HEG1: variants seen among roughly 807,000 people sequenced by gnomAD.
HEG1 encodes the protein heart development protein with EGF like domains 1.
A neutral mutation model predicts 125.6 loss-of-function variants in HEG1; 56 were observed. The ratio of observed to expected loss-of-function variants is 0.45; its 90% CI spans 0.36 to 0.56. The LOEUF is 0.56. Ranked by LOEUF, HEG1 falls within the 20% of genes least tolerant of loss-of-function variation. The pLI, the probability that HEG1 is intolerant of heterozygous loss-of-function variation, is 0.00. For missense variants in HEG1, 1,523 were observed against 1,670.0 expected (o/e 0.91, Z 1.53); for synonymous variants, 644 against 668.5 (o/e 0.96, Z 0.57).
chr3:125,019,790 C>T (rs569957729), intron 4 of HEG1, among the ~76,000 whole-genome samples, 193 bp from the exon 5 acceptor site: 114 of 152,132 alleles, frequency 7.5e-4, no homozygotes, highest in Non-Finnish European at 1.2e-3. Context: ...GAGAGTAATA[C>T]AAAAAAATAT....
At chr3:125,002,478 A>G (rs1937015923) in intron 9 of HEG1, among the ~76,000 whole-genome samples, 163 bp from the exon 10 acceptor site, 1 of 152,158 alleles carries the variant, frequency 6.6e-6, no homozygotes, top group Non-Finnish European at 1.5e-5. Flanking sequence ...CCCCTCTTAA[A>G]TGCCTTTCTG....
intron 14 of HEG1, among the ~76,000 whole-genome samples, chr3:124,989,859 C>T (rs1337727742): frequency 6.6e-6 from 1 of 152,170 alleles, no homozygotes; most frequent in Non-Finnish European, 1.5e-5. Context: ...AGCTGCCTGA[C>T]AGTTATTGAT....
In HEG1 at chr3:125,055,853, A is replaced by G; in HGVS notation, c.38T>C (p.Leu13Pro). The part of the protein sequence containing the change: ...SPRASRWPPP[L>P]LLLLLPLLLL... ...CAGCAGCGGCAGCAACAGCAGCAGG[A>G]GCGGCGGCGGCCACCGCGAGGCGCG... is the stretch of plus-strand genomic sequence containing the variant. Residue 13 changes from leucine to proline, a missense_variant, in exon 1 of 17, where the codon CTC becomes CCC. By Grantham distance (98) the Leu-to-Pro change is moderately conservative. Transcript: ENST00000311127. The G allele has an allele frequency of 1.0e-6, 1 of 980,172 alleles. No homozygotes were observed. Among genetic ancestry groups the G allele is most frequent in the Non-Finnish European group, 1.2e-6 (1 of 827,142 alleles). The allele number at this position is 980,172 out of a possible 1,614,324, so 60.7% of individuals were successfully genotyped here.
Position 125,013,005 on chromosome 3 carries a change from G to A in HEG1, c.2574C>T (p.Gly858=). The change falls in exon 6 of 17, where the codon GGC becomes GGT. Residue 858 remains glycine, a synonymous_variant. Transcript: ENST00000311127. The part of the protein sequence containing the change: ...KTSQPLMTTP[G]TLSSTASLVT... Reference sequence around the variant, plus strand: ...CCAGAGATGCTGTGCTTGACAGGGTGCCAGGAGTGGTCATAAGAGGCTGAG... The same window carrying A: ...CCAGAGATGCTGTGCTTGACAGGGTACCAGGAGTGGTCATAAGAGGCTGAG... 3 of 1,614,076 alleles carry A rather than the reference G, an allele frequency of 1.9e-6. No homozygotes were observed. The highest frequency in any genetic ancestry group is 1.1e-5 in the South Asian group (1 of 91,090).
At chr3:125,049,887 T>G (rs1937763752) in intron 1 of HEG1, among the ~76,000 whole-genome samples, 1 of 152,192 alleles carries the variant, frequency 6.6e-6, no homozygotes, top group Admixed American at 6.5e-5. Context: ...ATGCTTTCCC[T>G]GTTCAGAAGC....
intron 14 of HEG1, among the ~76,000 whole-genome samples, chr3:124,981,686 G>A (rs1042686244): frequency 2.6e-5 from 4 of 152,170 alleles, no homozygotes; most frequent in African/African-American, 4.8e-5. Context: ...AGAGCACTGG[G>A]CTGAAAGCCA....
chr3:125,020,782 G>A lies in HEG1; in HGVS notation c.1252+10C>T, dbSNP rs751778452. 30 of 1,599,004 alleles carry A rather than the reference G, an allele frequency of 1.9e-5. No individual in the cohort carries two copies. Among genetic ancestry groups the A allele is most frequent in the Admixed American group, 3.4e-5 (2 of 59,640 alleles). On this transcript the variant is annotated intron_variant, in intron 4 of 16. Coordinates refer to ENST00000311127, the MANE Select transcript of HEG1 (RefSeq NM_020733.2). ...GTCCCTAATAGATCAAGTAAAGATG[G>A]AATACTTACTTGGGGAATCATTTTG... is the stretch of plus-strand genomic sequence containing the variant.
At chr3:125,053,948 C>A (rs1168714632) in intron 1 of HEG1, among the ~76,000 whole-genome samples, 1 of 152,236 alleles carries the variant, frequency 6.6e-6, no homozygotes, top group African/African-American at 2.4e-5. Flanking sequence ...AGGGCCCCTG[C>A]AAGTCAGTGT....
intron 9 of HEG1, 31 bp downstream of exon 9, chr3:125,005,234 C>A (rs202046232): frequency 2.2e-4 from 282 of 1,296,552 alleles, no homozygotes; most frequent in Admixed American, 4.8e-4. Context: ...AAACAAAAGA[C>A]GAGTAGAAAG....
At chr3:125,051,953 T>C (rs905193828) in intron 1 of HEG1, among the ~76,000 whole-genome samples, 14 of 152,168 alleles carry the variant, frequency 9.2e-5, no homozygotes, top group Admixed American at 9.2e-4. Flanking sequence ...ATGCAGAAAC[T>C]GCCCAGCTGG....
At chr3:124,987,950 C>CATATATATATAT (rs1220849175) in intron 14 of HEG1, among the ~76,000 whole-genome samples, 2 of 84,002 alleles carry the variant, frequency 2.4e-5, no homozygotes, top group Non-Finnish European at 2.9e-5. Flanking sequence ...CACACACACA[C>CATATATATATAT]ACATATATAT....
chr3:125,027,808 A>G (rs1331404030), intron 2 of HEG1, among the ~76,000 whole-genome samples: 1 of 152,240 alleles, frequency 6.6e-6, no homozygotes, highest in East Asian at 1.9e-4. Context: ...CAGCATCCAC[A>G]TTCCACCAGA....
intron 1 of HEG1, among the ~76,000 whole-genome samples, chr3:125,040,800 A>G (rs1322843746): frequency 6.6e-6 from 1 of 151,826 alleles, no homozygotes; most frequent in African/African-American, 2.4e-5. Context: ...GGGGCAGACT[A>G]CTGTTCACAG....
Position 125,001,963 on chromosome 3 carries a change from A to C in HEG1, c.3406T>G (p.Ser1136Ala). The stretch of plus-strand genomic sequence containing the variant: ...GCCAGGTCAAATAGCGTCACATTGG[A>C]GGCCAGGGAAAAGGTTGTTTGCAGT... ...ISLQTTFSLA[S>A]NVTLFDLADR... Residue 1136 changes from serine to alanine, a missense_variant, in exon 11 of 17, where the codon TCC (serine) becomes GCC (alanine). Coordinates refer to ENST00000311127, the MANE Select transcript of HEG1 (RefSeq NM_020733.2). 1.2e-6 allele frequency: 2 copies of C among 1,614,004 alleles called. No individual in the cohort carries two copies. Among genetic ancestry groups the C allele is most frequent in the East Asian group, 4.5e-5 (2 of 44,888 alleles).
rs540779989 is a variant in HEG1, at chr3:124,970,517, G to A, written c.*135C>T. The A allele has an allele frequency of 5.5e-5, 39 of 707,780 alleles. No individual in the cohort carries two copies. The Middle Eastern group carries it at 1.6e-3, about 29-fold the overall frequency. The allele number at this position is 707,780 out of a possible 1,614,324, so 43.8% of individuals were successfully genotyped here. ...GTCTCCTCCACTGTGGTCACGCCCCGCATGCCTGTCCCTCTTCCTGCTTGC... is the reference window on the plus strand; with the variant it reads ...GTCTCCTCCACTGTGGTCACGCCCCACATGCCTGTCCCTCTTCCTGCTTGC... On this transcript the variant is annotated 3_prime_UTR_variant, in exon 17 of 17. Transcript: ENST00000311127.
intron 12 of HEG1, among the ~76,000 whole-genome samples, chr3:124,992,774 G>A (rs1387738470): frequency 6.6e-6 from 1 of 152,238 alleles, no homozygotes; most frequent in Non-Finnish European, 1.5e-5. Flanking sequence ...TCACTAGAGT[G>A]TTGTGGAATA....
intron 14 of HEG1, among the ~76,000 whole-genome samples, chr3:124,990,337 T>C (rs948281048): frequency 5.0e-5 from 7 of 139,204 alleles, no homozygotes; most frequent in African/African-American, 1.8e-4. Context: ...TTGTTGTTTT[T>C]TGGGTTTTTT....
intron 15 of HEG1, among the ~76,000 whole-genome samples, chr3:124,975,683 T>A (rs1352728686): frequency 6.6e-6 from 1 of 152,192 alleles, no homozygotes; most frequent in Non-Finnish European, 1.5e-5. Context: ...AATTCTCCCC[T>A]TTTCCCCACC....
intron 14 of HEG1, among the ~76,000 whole-genome samples, chr3:124,984,483 G>T (rs1473875613): frequency 6.6e-6 from 1 of 152,206 alleles, no homozygotes; most frequent in Non-Finnish European, 1.5e-5. Flanking sequence ...ATGGGGCCAG[G>T]CACGGTGGCT....
Sources: gnomAD v4.1 joint callset for allele counts (sites outside exome capture counted in the v4.1 genomes callset) on GRCh38, gnomAD v4.1.1 for gene constraint, MANE v1.5 for transcripts, NCBI Gene and HGNC (gene_info 2026-07-23, HGNC 2026-07-21) for gene names.